GALNT13: variants seen among roughly 807,000 people sequenced by gnomAD.
The protein encoded by GALNT13 is polypeptide N-acetylgalactosaminyltransferase 13.
In GALNT13, 28 loss-of-function variants were observed where a neutral mutation model predicts 64.2. That is an observed-to-expected ratio of 0.44 (90% CI 0.32 to 0.60). GALNT13 has a LOEUF of 0.60. GALNT13 is among the 20% of genes least tolerant of loss of function. GALNT13 has a pLI of 0.05. For missense variants in GALNT13, 577 were observed against 669.8 expected (o/e 0.86, Z 1.53); for synonymous variants, 214 against 224.6 (o/e 0.95, Z 0.42).
At position 153,905,194 on chromosome 2, in the gene GALNT13, T is replaced by A. The variant is rs541585200; in HGVS notation, c.-105+4187T>A. Among the ~76,000 whole-genome samples, 179 of 152,106 alleles carry A rather than the reference T, an allele frequency of 1.2e-3. 1 individual carries two copies. Among genetic ancestry groups the A allele is most frequent in the African/African-American group, 3.9e-3 (164 of 41,570 alleles). On this transcript the variant is annotated intron_variant, in intron 2 of 12. Coordinates refer to ENST00000392825, the MANE Select transcript of GALNT13 (RefSeq NM_052917.4). ...ATAATTGTTTAGATTTTAGTTAGAA[T>A]TGCATTCAATCTATTGTTAAGTAAA... is the stretch of plus-strand genomic sequence containing the variant.
chr2:154,433,960 G>T lies in GALNT13; in HGVS notation c.1396-4632G>T, dbSNP rs114627353. ...TTTAAAGAATTTTGGCATCATTAGGGTGCCCTAATCTAATGTAACTGGTGT... is the reference window on the plus strand; with the variant it reads ...TTTAAAGAATTTTGGCATCATTAGGTTGCCCTAATCTAATGTAACTGGTGT... On this transcript the variant is annotated intron_variant, in intron 11 of 12. Coordinates refer to ENST00000392825, the MANE Select transcript of GALNT13 (RefSeq NM_052917.4). Among the ~76,000 whole-genome samples the T allele has an allele frequency of 9.7e-3, 1,479 of 152,172 alleles. 26 individuals are homozygous for T. Among genetic ancestry groups the T allele is most frequent in the African/African-American group, 0.033 (1,389 of 41,522 alleles).
intron 1 of GALNT13, among the ~76,000 whole-genome samples, chr2:153,897,963 T>G (rs1390671240): frequency 6.6e-6 from 1 of 152,112 alleles, no homozygotes; most frequent in Non-Finnish European, 1.5e-5. Context: ...TCATGTATTT[T>G]TAAGTCTTCT....
At chr2:153,459,508 C>T in the GALNT13 span, among the ~76,000 whole-genome samples, 1 of 152,032 alleles carries the variant, frequency 6.6e-6, no homozygotes, top group Non-Finnish European at 1.5e-5. Flanking sequence ...AAACCCAGTA[C>T]CTTTCACATT....
chr2:154,016,291 T>A lies in GALNT13; in HGVS notation c.142+71652T>A, dbSNP rs555117621. On this transcript the variant is annotated intron_variant, in intron 3 of 12. Transcript: ENST00000392825. ...TTTGTGGAGTATAGAATTAGAATTT[T>A]GAATTCTTCATTCATAAACACAGGG... Among the ~76,000 whole-genome samples, 220 of 152,350 alleles carry A rather than the reference T, an allele frequency of 1.4e-3. 1 individual carries two copies. Among genetic ancestry groups the A allele is most frequent in the Non-Finnish European group, 2.5e-3 (169 of 68,028 alleles).
At chr2:153,973,157 A>G (rs1693853362) in intron 3 of GALNT13, among the ~76,000 whole-genome samples, 1 of 151,104 alleles carries the variant, frequency 6.6e-6, no homozygotes, top group Non-Finnish European at 1.5e-5. Context: ...AAAGTACATC[A>G]ATTATCAAAG....
the GALNT13 span, among the ~76,000 whole-genome samples, chr2:153,777,711 T>C: frequency 6.6e-6 from 1 of 152,112 alleles, no homozygotes; most frequent in Non-Finnish European, 1.5e-5. Flanking sequence ...TAGGGGAGCA[T>C]ACAGACAGCA....
At chr2:153,793,106 A>C in the GALNT13 span, among the ~76,000 whole-genome samples, 1 of 150,600 alleles carries the variant, frequency 6.6e-6, no homozygotes, top group Non-Finnish European at 1.5e-5. Context: ...AGGGTAGCTG[A>C]GACTATAGGC....
chr2:154,415,452 C>A (rs564223511), intron 11 of GALNT13, among the ~76,000 whole-genome samples: 1 of 152,032 alleles, frequency 6.6e-6, no homozygotes. Context: ...CTAGAAAGCA[C>A]GTGGAAACAT....
chr2:153,113,532 T>C, the GALNT13 span, among the ~76,000 whole-genome samples: 19 of 152,122 alleles, frequency 1.2e-4, no homozygotes, highest in African/African-American at 4.6e-4. Flanking sequence ...ATATGAAATA[T>C]CTGGCAGAAC....
At chr2:154,136,553 G>C (rs1424385939) in intron 3 of GALNT13, among the ~76,000 whole-genome samples, 3 of 151,978 alleles carry the variant, frequency 2.0e-5, no homozygotes, top group Admixed American at 2.0e-4. Context: ...GTTCTTTTTG[G>C]TAGATTTATC....
At chr2:153,329,720 G>T in the GALNT13 span, among the ~76,000 whole-genome samples, 1 of 152,086 alleles carries the variant, frequency 6.6e-6, no homozygotes, top group Non-Finnish European at 1.5e-5. Flanking sequence ...CTTCCATTTT[G>T]TAGGATGTCT....
At chr2:153,483,720 C>G in the GALNT13 span, among the ~76,000 whole-genome samples, 3 of 152,116 alleles carry the variant, frequency 2.0e-5, no homozygotes, top group African/African-American at 7.2e-5. Context: ...CCGGCCCTGC[C>G]CTGAAATTCT....
At chr2:153,561,997 T>TGC in the GALNT13 span, among the ~76,000 whole-genome samples, 1 of 108,484 alleles carries the variant, frequency 9.2e-6, no homozygotes. Context: ...TTCACACTTT[T>TGC]GCCCCTTTTC....
the GALNT13 span, among the ~76,000 whole-genome samples, chr2:153,115,809 A>T: frequency 6.6e-6 from 1 of 152,234 alleles, no homozygotes; most frequent in Admixed American, 6.5e-5. Flanking sequence ...TAAAGATGAC[A>T]TTCAGCTAAA....
intron 12 of GALNT13, among the ~76,000 whole-genome samples, chr2:154,440,121 T>A (rs1378437403): frequency 2.0e-5 from 3 of 152,204 alleles, no homozygotes; most frequent in Non-Finnish European, 2.9e-5. Flanking sequence ...TATTTGTTTT[T>A]AAATAAAACT....
the GALNT13 span, among the ~76,000 whole-genome samples, chr2:153,664,109 A>G: frequency 6.6e-6 from 1 of 152,174 alleles, no homozygotes; most frequent in African/African-American, 2.4e-5. Context: ...AGGGTTCAAG[A>G]GCAGACAACT....
chr2:154,202,667 C>T (rs1436910935), intron 4 of GALNT13, among the ~76,000 whole-genome samples: 2 of 152,020 alleles, frequency 1.3e-5, no homozygotes, highest in Non-Finnish European at 2.9e-5. Context: ...ATTAATCTCC[C>T]ATCTTTCACC....
chr2:154,197,498 G>A (rs1573857860), intron 4 of GALNT13, among the ~76,000 whole-genome samples: 2 of 152,018 alleles, frequency 1.3e-5, no homozygotes, highest in East Asian at 3.9e-4. Context: ...AAATAAATGA[G>A]TACATCTACC....
intron 3 of GALNT13, among the ~76,000 whole-genome samples, chr2:154,083,252 G>T (rs1701365238): frequency 6.6e-6 from 1 of 151,688 alleles, no homozygotes; most frequent in Admixed American, 6.6e-5. Context: ...GAGGCCTCTT[G>T]TCTATTCCAC....
Sources: gnomAD v4.1 joint callset for allele counts (sites outside exome capture counted in the v4.1 genomes callset) on GRCh38, gnomAD v4.1.1 for gene constraint, MANE v1.5 for transcripts, NCBI Gene and HGNC (gene_info 2026-07-23, HGNC 2026-07-21) for gene names.